The following POLR3GL variants were observed in gnomAD, a reference collection of about 807,000 sequenced individuals.
The protein encoded by POLR3GL is RNA polymerase III subunit GL.
POLR3GL carries 26 observed loss-of-function variants against 32.4 expected under a neutral mutation model. The ratio of observed to expected loss-of-function variants is 0.80; its 90% CI spans 0.59 to 1.11. The LOEUF (loss-of-function observed/expected upper bound fraction) is 1.11, where lower values mean the gene tolerates loss of function less well. Ranked by LOEUF, POLR3GL falls within the 50% of genes most tolerant of loss-of-function variation. The probability of loss-of-function intolerance (pLI) is 0.00; values close to 1 mark genes in which losing one functional copy is unlikely to be tolerated. For synonymous variants in POLR3GL, 95 were observed against 98.7 expected (o/e 0.96, Z 0.22); for missense variants, 229 against 280.1 (o/e 0.82, Z 1.30).
intron 1 of POLR3GL, among the ~76,000 whole-genome samples, chr1:145,971,185 C>CAA (rs36126138): frequency 0.13 from 11,905 of 88,280 alleles, 1,713 homozygotes; most frequent in African/African-American, 0.33. Context: ...AACTCCATCT[C>CAA]AAAAAAAAAA....
At chr1:145,977,243 T>TCC in intron 4 of POLR3GL, 91 bp downstream of exon 4, 1 of 1,142,304 alleles carries the variant, frequency 8.8e-7, no homozygotes, top group African/African-American at 1.5e-5. Flanking sequence ...CCCACCCCAT[T>TCC]CCCCGATCCA....
At chr1:145,966,509 CG>C (rs1204503595) in intron 1 of POLR3GL, among the ~76,000 whole-genome samples, 2 of 146,034 alleles carry the variant, frequency 1.4e-5, no homozygotes, top group Non-Finnish European at 1.5e-5. Context: ...AAAAAGAGGC[CG>C]GGCGTGATGG....
chr1:145,965,843 C>G (rs1362891570), intron 1 of POLR3GL, among the ~76,000 whole-genome samples: 1 of 151,948 alleles, frequency 6.6e-6, no homozygotes. Context: ...TGGCTGGGCA[C>G]GGTGGCTCAT....
chr1:145,968,652 A>C (rs1650144218), intron 1 of POLR3GL, among the ~76,000 whole-genome samples: 1 of 151,676 alleles, frequency 6.6e-6, no homozygotes, highest in Non-Finnish European at 1.5e-5. Context: ...GCTCACTGCA[A>C]CCTCTGCCTC....
At chr1:145,967,968 C>T (rs139099726) in intron 1 of POLR3GL, among the ~76,000 whole-genome samples, 27 of 152,304 alleles carry the variant, frequency 1.8e-4, no homozygotes, top group African/African-American at 6.5e-4. Flanking sequence ...GGAAATTGAA[C>T]TGGGATTCAA....
rs924180320 is a variant in POLR3GL at position 145,977,977 on chromosome 1, C to T, written c.457-6C>T. The stretch of plus-strand genomic sequence containing the variant: ...GAGTTTCTATTCCTATTCATCCCCA[C>T]ATGAGACCCTGGAGAAGAAGGAAGA... On this transcript the variant is annotated splice_polypyrimidine_tract_variant and splice_region_variant and intron_variant, in intron 6 of 7. Transcript: ENST00000369314. The T allele has an allele frequency of 1.9e-6, 3 of 1,613,774 alleles. No homozygotes were observed. The highest frequency in any genetic ancestry group is 1.3e-5 in the African/African-American group (1 of 74,844).
At chr1:145,969,921 CA>C (rs1353132714) in intron 1 of POLR3GL, among the ~76,000 whole-genome samples, 1,236 of 65,068 alleles carry the variant, frequency 0.019, 15 homozygotes, top group African/African-American at 0.049. Flanking sequence ...GACTCTGTCT[CA>C]AAAAAAAAAA....
intron 1 of POLR3GL, among the ~76,000 whole-genome samples, chr1:145,971,411 T>G (rs587772386): frequency 6.6e-6 from 1 of 152,286 alleles, no homozygotes; most frequent in South Asian, 2.1e-4. Context: ...ACTTTACTGT[T>G]TTTGATGACT....
chr1:145,978,673 AT>A lies in POLR3GL; in HGVS notation c.*228del, dbSNP rs1283493007. ...GAAAGTGCAAAGGACAAACATCTCA[AT>A]TGTATGAAGGGAGAAAGGAGAATTG... On this transcript the variant is annotated 3_prime_UTR_variant, in exon 8 of 8. Coordinates refer to ENST00000369314, the MANE Select transcript of POLR3GL (RefSeq NM_032305.3). The A allele has an allele frequency of 2.1e-5, 11 of 535,028 alleles. 1 individual carries two copies. Among genetic ancestry groups the A allele is most frequent in the Admixed American group, 1.4e-4 (4 of 28,928 alleles). The allele number at this position is 535,028 out of a possible 1,614,324, so 33.1% of individuals were successfully genotyped here. A position where few individuals can be genotyped will look rare whatever the true frequency, so the allele number is the denominator to read the frequency against.
intron 1 of POLR3GL, among the ~76,000 whole-genome samples, chr1:145,965,059 C>T: frequency 6.6e-6 from 1 of 152,348 alleles, no homozygotes; most frequent in South Asian, 2.1e-4. Context: ...GCCTGACAAA[C>T]TCCTGTTATC....
intron 1 of POLR3GL, among the ~76,000 whole-genome samples, chr1:145,966,787 CA>C (rs113568292): frequency 0.098 from 14,082 of 144,150 alleles, 2,067 homozygotes; most frequent in African/African-American, 0.32. Flanking sequence ...GAAACTGTCT[CA>C]AAAAAAAAAT....
At chr1:145,975,606 T>C (rs1357560785) in intron 3 of POLR3GL, among the ~76,000 whole-genome samples, 170 bp downstream of exon 3, 1 of 152,224 alleles carries the variant, frequency 6.6e-6, no homozygotes, top group Non-Finnish European at 1.5e-5. Context: ...TTGTTTTGAG[T>C]CTCATGATAG....
chr1:145,978,231 C>T (rs112902551), intron 7 of POLR3GL, 130 bp from the exon 8 acceptor site: 1 of 1,346,070 alleles, frequency 7.4e-7, no homozygotes, highest in Admixed American at 2.2e-5. Context: ...TCATCTGCCC[C>T]CCTTCTACAA....
intron 1 of POLR3GL, among the ~76,000 whole-genome samples, chr1:145,973,192 A>G (rs1315033512): frequency 6.6e-6 from 1 of 152,106 alleles, no homozygotes; most frequent in Admixed American, 6.6e-5. Context: ...GCTCATTGCT[A>G]CTGGGATATC....
chr1:145,965,630 C>A (rs1204181293), intron 1 of POLR3GL, among the ~76,000 whole-genome samples: 1 of 152,198 alleles, frequency 6.6e-6, no homozygotes, highest in Non-Finnish European at 1.5e-5. Flanking sequence ...TAGAGCCATG[C>A]ATCCTTCTTA....
At chr1:145,978,265 A>T in intron 7 of POLR3GL, 96 bp from the exon 8 acceptor site, 1 of 1,303,732 alleles carries the variant, frequency 7.7e-7, no homozygotes, top group Non-Finnish European at 1.1e-6. Context: ...GAGATGTCTC[A>T]GGCCTGGAAT....
chr1:145,977,081 C>T lies in POLR3GL; in HGVS notation c.257-3C>T. 1.2e-6 allele frequency: 2 copies of T among 1,613,118 alleles called. No homozygotes were observed. The highest frequency in any genetic ancestry group is 1.7e-6 in the Non-Finnish European group (2 of 1,179,178). ...ATAAAACTTTGACCCTTCCACCCCT[C>T]AGATGTGGAGCGTTATTCAGACAAA... On this transcript the variant is annotated splice_polypyrimidine_tract_variant and splice_region_variant and intron_variant, in intron 3 of 7. Transcript: ENST00000369314.
In POLR3GL at chr1:145,977,866, T is replaced by A; in HGVS notation, c.456+15T>A. The A allele has an allele frequency of 6.2e-7, 1 of 1,613,556 alleles. No homozygotes were observed. The highest frequency in any genetic ancestry group is 8.5e-7 in the Non-Finnish European group (1 of 1,179,522). ...AGAAACTAGAGGTGAGGAGGAAGTG[T>A]GCATAGAGACCTCCTGAGCCCTGGA... On this transcript the variant is annotated intron_variant, in intron 6 of 7. Transcript: ENST00000369314.
At chr1:145,976,794 T>C (rs1650574047) in intron 3 of POLR3GL, among the ~76,000 whole-genome samples, 1 of 150,098 alleles carries the variant, frequency 6.7e-6, no homozygotes, top group Non-Finnish European at 1.5e-5. Flanking sequence ...GTGCCTGTAG[T>C]CCCAGCTACT....
Sources: gnomAD v4.1 joint callset for allele counts (sites outside exome capture counted in the v4.1 genomes callset) on GRCh38, gnomAD v4.1.1 for gene constraint, MANE v1.5 for transcripts, NCBI Gene and HGNC (gene_info 2026-07-23, HGNC 2026-07-21) for gene names.